Variants in HHAT observed in about 807,000 individuals in gnomAD.
HHAT encodes protein-cysteine N-palmitoyltransferase HHAT.
Under a neutral mutation model 70.8 loss-of-function variants are expected in HHAT, and 47 were observed. That is an observed-to-expected ratio of 0.66 (90% CI 0.53 to 0.85). The LOEUF is 0.85. Ranked by LOEUF, HHAT falls within the 40% of genes least tolerant of loss-of-function variation. The pLI is 0.00. For synonymous variants in HHAT, 228 were observed against 247.6 expected (o/e 0.92, Z 0.74); for missense variants, 609 against 604.8 (o/e 1.01, Z -0.07).
At chr1:210,490,552 G>C (rs1024951564) in intron 8 of HHAT, among the ~76,000 whole-genome samples, 1 of 152,188 alleles carries the variant, frequency 6.6e-6, no homozygotes, top group African/African-American at 2.4e-5. Context: ...AGGTGATACT[G>C]ATATTCTGGC....
rs762851151 is a variant in HHAT at position 210,513,228 on chromosome 1, A to G, written c.1043+40A>G. 72 of 939,162 alleles carry G rather than the reference A, an allele frequency of 7.7e-5. No homozygotes were observed. In the East Asian group the frequency reaches 1.7e-3, roughly 22 times the overall value. The allele number at this position is 939,162 out of a possible 1,614,324, so 58.2% of individuals were successfully genotyped here. ...TTTATTTTAGATAACATTGAATAAC[A>G]TGTCTATTATGAAAGATTGAAATGG... is the stretch of plus-strand genomic sequence containing the variant. On this transcript the variant is annotated intron_variant, in intron 9 of 11. Coordinates refer to ENST00000261458, the MANE Select transcript of HHAT (RefSeq NM_018194.6).
chr1:210,572,060 G>C (rs539619144), intron 9 of HHAT, among the ~76,000 whole-genome samples: 1 of 152,194 alleles, frequency 6.6e-6, no homozygotes, highest in Non-Finnish European at 1.5e-5. Context: ...GTCTTGCTTT[G>C]TTTCCGTAAA....
intron 2 of HHAT, among the ~76,000 whole-genome samples, chr1:210,352,139 C>T (rs941994209): frequency 1.3e-5 from 2 of 152,240 alleles, no homozygotes; most frequent in Non-Finnish European, 2.9e-5. Flanking sequence ...GGGAACGGGG[C>T]GAGGGGTTCC....
intron 8 of HHAT, among the ~76,000 whole-genome samples, chr1:210,495,957 A>G (rs1299896925): frequency 6.8e-6 from 1 of 146,276 alleles, no homozygotes; most frequent in Non-Finnish European, 1.5e-5. Context: ...GTTGCAGTGA[A>G]CCAAGATCAC....
intron 3 of HHAT, among the ~76,000 whole-genome samples, chr1:210,373,682 A>C (rs2089785485): frequency 6.6e-6 from 1 of 152,252 alleles, no homozygotes; most frequent in African/African-American, 2.4e-5. Context: ...TTACTAGGCA[A>C]GCAGTGGAAA....
chr1:210,352,660 T>C (rs570259733), intron 2 of HHAT, among the ~76,000 whole-genome samples: 2 of 152,248 alleles, frequency 1.3e-5, no homozygotes, highest in East Asian at 1.9e-4. Flanking sequence ...TGTCACGTGG[T>C]TGGGGACAGC....
chr1:210,572,477 G>T (rs1295963626), intron 9 of HHAT, among the ~76,000 whole-genome samples: 1 of 152,120 alleles, frequency 6.6e-6, no homozygotes, highest in Non-Finnish European at 1.5e-5. Flanking sequence ...CCCACCTGTG[G>T]CCACCTTAGA....
At chr1:210,367,394 A>G (rs1482213755) in intron 3 of HHAT, among the ~76,000 whole-genome samples, 4 of 152,138 alleles carry the variant, frequency 2.6e-5, no homozygotes, top group African/African-American at 9.7e-5. Context: ...GTGCCTCTAG[A>G]TAGCCATGTA....
At chr1:210,408,087 A>G (rs1400619360) in intron 6 of HHAT, among the ~76,000 whole-genome samples, 1 of 152,132 alleles carries the variant, frequency 6.6e-6, no homozygotes, top group Non-Finnish European at 1.5e-5. Flanking sequence ...GTGAAATGGG[A>G]AGAATAATAG....
At chr1:210,673,936 C>T (rs534913121) in intron 11 of HHAT, among the ~76,000 whole-genome samples, 1 of 146,446 alleles carries the variant, frequency 6.8e-6, no homozygotes, top group Non-Finnish European at 1.5e-5. Flanking sequence ...AACATGGATT[C>T]GTTAAAAGCT....
At chr1:210,536,221 G>T (rs1022305587) in intron 9 of HHAT, among the ~76,000 whole-genome samples, 1 of 152,214 alleles carries the variant, frequency 6.6e-6, no homozygotes, top group Non-Finnish European at 1.5e-5. Flanking sequence ...ACATTTGTAT[G>T]AATTTAGCCC....
chr1:210,623,660 C>A lies in HHAT; in HGVS notation c.1380C>A (p.Ile460=). ...TTGGGAAAACCTACTGGAATAGGAT[C>A]TTCATACAAGGTAAGTTGCTTGACA... ...NEVGKTYWNR[I]FIQGWPWVTL... The change falls in exon 11 of 12, where the codon ATC becomes ATA. Residue 460 remains isoleucine (I), a synonymous_variant. Transcript: ENST00000261458. 6.2e-7 allele frequency: 1 copy of A among 1,613,892 alleles called. No homozygotes were observed. Among genetic ancestry groups the A allele is most frequent in the East Asian group, 2.2e-5 (1 of 44,874 alleles).
intron 2 of HHAT, among the ~76,000 whole-genome samples, chr1:210,360,846 C>CTTTTTTTTTTTTTTTTTTTTTT (rs3036585): frequency 8.0e-6 from 1 of 124,302 alleles, no homozygotes; most frequent in Non-Finnish European, 1.6e-5. Flanking sequence ...ATTAACTTCA[C>CTTTTTTTTTTTTTTTTTTTTTT]TTTTTTTTTT....
At chr1:210,570,467 G>A (rs1391008012) in intron 9 of HHAT, among the ~76,000 whole-genome samples, 1 of 152,170 alleles carries the variant, frequency 6.6e-6, no homozygotes, top group African/African-American at 2.4e-5. Flanking sequence ...AGGGACTCCT[G>A]GAGGGTGTGA....
chr1:210,673,969 T>A (rs867143999), intron 11 of HHAT, among the ~76,000 whole-genome samples: 1,893 of 150,436 alleles, frequency 0.013, 64 homozygotes, highest in East Asian at 0.064. Flanking sequence ...TTTTTTTTTT[T>A]TTATTATACT....
intron 8 of HHAT, among the ~76,000 whole-genome samples, chr1:210,503,406 C>G (rs1161111475): frequency 6.6e-6 from 1 of 152,196 alleles, no homozygotes; most frequent in African/African-American, 2.4e-5. Context: ...AACAAGCAAA[C>G]AAGCAAAACC....
At chr1:210,656,211 A>G (rs933661440) in intron 11 of HHAT, among the ~76,000 whole-genome samples, 6 of 151,460 alleles carry the variant, frequency 4.0e-5, no homozygotes, top group African/African-American at 7.3e-5. Flanking sequence ...TCTAGGCTAC[A>G]CTTTTATTTA....
chr1:210,436,789 A>G (rs2093387272), intron 7 of HHAT, among the ~76,000 whole-genome samples: 1 of 151,754 alleles, frequency 6.6e-6, no homozygotes, highest in Non-Finnish European at 1.5e-5. Context: ...GAGTAACTCA[A>G]TTTCCCTTTG....
At chr1:210,420,678 A>C (rs1354783842) in intron 7 of HHAT, among the ~76,000 whole-genome samples, 2 of 143,220 alleles carry the variant, frequency 1.4e-5, no homozygotes, top group Non-Finnish European at 2.9e-5. Context: ...AAAAAAACAA[A>C]AAAAAAAACA....
Sources: allele counts gnomAD v4.1 joint callset (sites outside exome capture counted in the v4.1 genomes callset), GRCh38; gene constraint gnomAD v4.1.1; transcripts MANE v1.5; gene names NCBI Gene and HGNC (gene_info 2026-07-23, HGNC 2026-07-21).